PARD3: variants seen among roughly 807,000 people sequenced by gnomAD.
PARD3 encodes partitioning defective 3 homolog.
A neutral mutation model predicts 155.4 loss-of-function variants in PARD3; 75 were observed. The observed-to-expected ratio is 0.48, with a 90% CI of 0.40 to 0.58. The LOEUF (loss-of-function observed/expected upper bound fraction) is 0.58. PARD3 is among the 20% of genes least tolerant of loss of function. The pLI is 0.00. For missense variants in PARD3, 1,642 were observed against 1,721.7 expected (o/e 0.95, Z 0.82); for synonymous variants, 576 against 610.5 (o/e 0.94, Z 0.83).
chr10:34,801,137 G>A (rs1001143280), intron 1 of PARD3, among the ~76,000 whole-genome samples: 1 of 152,208 alleles, frequency 6.6e-6, no homozygotes, highest in Admixed American at 6.5e-5. Flanking sequence ...AAGGGGAAGC[G>A]TGAAGGCAAG....
intron 19 of PARD3, among the ~76,000 whole-genome samples, chr10:34,324,936 C>CA (rs1958595977): frequency 6.6e-6 from 1 of 152,168 alleles, no homozygotes; most frequent in Admixed American, 6.5e-5. Flanking sequence ...CTCAATAAGC[C>CA]ACCCTCTACC....
At chr10:34,118,253 C>T (rs1393158575) in intron 24 of PARD3, among the ~76,000 whole-genome samples, 1 of 152,140 alleles carries the variant, frequency 6.6e-6, no homozygotes, top group African/African-American at 2.4e-5. Flanking sequence ...GGCACTTATC[C>T]CCATGGAGAC....
chr10:34,492,910 C>T (rs2080014848), intron 3 of PARD3, among the ~76,000 whole-genome samples: 1 of 152,218 alleles, frequency 6.6e-6, no homozygotes, highest in South Asian at 2.1e-4. Flanking sequence ...AAGCGTTTTT[C>T]TGATAATTCA....
intron 1 of PARD3, among the ~76,000 whole-genome samples, chr10:34,785,947 T>C (rs928576897): frequency 6.6e-6 from 1 of 152,186 alleles, no homozygotes; most frequent in African/African-American, 2.4e-5. Flanking sequence ...GTTGATGTAG[T>C]TACGTGTCAT....
At chr10:34,801,342 G>A (rs1191231224) in intron 1 of PARD3, among the ~76,000 whole-genome samples, 1 of 152,296 alleles carries the variant, frequency 6.6e-6, no homozygotes, top group East Asian at 1.9e-4. Context: ...ACTGCTTAGC[G>A]ACTTCCCTAA....
chr10:34,288,769 T>G (rs664538), intron 20 of PARD3, among the ~76,000 whole-genome samples: 1 of 152,000 alleles, frequency 6.6e-6, no homozygotes, highest in African/African-American at 2.4e-5. Context: ...AAATACTGTG[T>G]TAATAGTTGC....
chr10:34,142,359 T>C (rs1015771559), intron 22 of PARD3, among the ~76,000 whole-genome samples: 2 of 151,328 alleles, frequency 1.3e-5, no homozygotes, highest in Non-Finnish European at 2.9e-5. Flanking sequence ...CTGGGCAACA[T>C]CGCAAGACCC....
chr10:34,558,946 TGTAAGTAA>T (rs575757963), intron 2 of PARD3, among the ~76,000 whole-genome samples: 19 of 152,086 alleles, frequency 1.2e-4, no homozygotes, highest in African/African-American at 3.1e-4. Context: ...GACCCGGTCT[TGTAAGTAA>T]GTAAGTAAGT....
intron 2 of PARD3, among the ~76,000 whole-genome samples, chr10:34,652,437 C>A (rs2093040826): frequency 6.6e-6 from 1 of 152,180 alleles, no homozygotes; most frequent in Admixed American, 6.5e-5. Flanking sequence ...CCCAAGCTAA[C>A]CACCAGAACC....
intron 22 of PARD3, chr10:34,201,951 T>C (rs1398182667): frequency 1.3e-5 from 2 of 152,178 alleles, no homozygotes; most frequent in Admixed American, 6.5e-5. Context: ...GCTTGCAAAG[T>C]ATCATTTTTT....
At chr10:34,435,999 A>T (rs1054452408) in intron 5 of PARD3, among the ~76,000 whole-genome samples, 1 of 152,228 alleles carries the variant, frequency 6.6e-6, no homozygotes, top group Non-Finnish European at 1.5e-5. Context: ...ACAACTATCA[A>T]ATAGGAGATA....
chr10:34,205,440 T>C (rs979835237), intron 22 of PARD3, among the ~76,000 whole-genome samples: 16 of 152,218 alleles, frequency 1.1e-4, no homozygotes, highest in African/African-American at 3.4e-4. Context: ...CAAATCTATC[T>C]GCAGTGTTTT....
rs1009273534 is a variant in PARD3, at chr10:34,346,197, A to G, written c.2218+1768T>C. Reference sequence around the variant, plus strand: ...GGAAGAGGAAACAATGTCAACTATAATGCAAACCGAAGAGGACTAATGAAG... The same window carrying G: ...GGAAGAGGAAACAATGTCAACTATAGTGCAAACCGAAGAGGACTAATGAAG... On this transcript the variant is annotated intron_variant, in intron 15 of 24. Transcript: ENST00000374788. 1.4e-5 allele frequency: 16 copies of G among 1,126,558 alleles called. No homozygotes were observed. The Admixed American group carries it at 6.8e-4, about 48-fold the overall frequency. The allele number at this position is 1,126,558 out of a possible 1,614,324, so 69.8% of individuals were successfully genotyped here. A position where few individuals can be genotyped will look rare whatever the true frequency, so the allele number is the denominator to read the frequency against.
intron 1 of PARD3, among the ~76,000 whole-genome samples, chr10:34,725,564 A>G: frequency 6.6e-6 from 1 of 152,138 alleles, no homozygotes. Context: ...TACTTCCTCA[A>G]CTGTGAGGAG....
intron 12 of PARD3, among the ~76,000 whole-genome samples, chr10:34,364,862 C>T (rs997869466): frequency 1.3e-5 from 2 of 152,224 alleles, no homozygotes; most frequent in East Asian, 3.9e-4. Flanking sequence ...GATGAGCAAA[C>T]CAATAAATCA....
At chr10:34,545,563 T>C (rs2083974777) in intron 2 of PARD3, among the ~76,000 whole-genome samples, 2 of 152,136 alleles carry the variant, frequency 1.3e-5, no homozygotes, top group Non-Finnish European at 2.9e-5. Context: ...CGACTTTATA[T>C]CCTTTTTTTG....
intron 1 of PARD3, among the ~76,000 whole-genome samples, chr10:34,774,202 A>G (rs899672595): frequency 1.3e-5 from 2 of 152,252 alleles, no homozygotes; most frequent in African/African-American, 2.4e-5. Context: ...TTAGGAAATT[A>G]TAACTCCAAA....
intron 7 of PARD3, among the ~76,000 whole-genome samples, chr10:34,390,614 T>C (rs547505973): frequency 6.6e-6 from 1 of 152,230 alleles, no homozygotes; most frequent in South Asian, 2.1e-4. Flanking sequence ...CTGAGCAAGG[T>C]ATCCTTCCCC....
At chr10:34,412,886 T>C (rs1034512029) in intron 5 of PARD3, among the ~76,000 whole-genome samples, 7 of 152,056 alleles carry the variant, frequency 4.6e-5, no homozygotes, top group African/African-American at 1.4e-4. Context: ...AAATGATACA[T>C]AGGCCAAATA....
Sources: gnomAD v4.1 joint callset for allele counts (sites outside exome capture counted in the v4.1 genomes callset) on GRCh38, gnomAD v4.1.1 for gene constraint, MANE v1.5 for transcripts, NCBI Gene and HGNC (gene_info 2026-07-23, HGNC 2026-07-21) for gene names.